ADGB: variants seen among roughly 807,000 people sequenced by gnomAD.
The protein encoded by ADGB is calpain-7-like protein.
ADGB carries 172 observed loss-of-function variants against 210.5 expected under a neutral mutation model. The observed-to-expected ratio is 0.82, with a 90% CI of 0.72 to 0.93. ADGB has a LOEUF of 0.93. ADGB is among the 40% of genes least tolerant of loss of function. The pLI is 0.00. For missense variants in ADGB, 2,025 were observed against 1,964.8 expected, an observed-to-expected ratio of 1.03 and a Z score of -0.58; for synonymous variants, 658 against 662.7, an observed-to-expected ratio of 0.99 and a Z score of 0.11.
chr6:146,729,124 G>A (rs966217342), intron 20 of ADGB, among the ~76,000 whole-genome samples: 4 of 152,120 alleles, frequency 2.6e-5, no homozygotes, highest in African/African-American at 4.8e-5. Flanking sequence ...CACTTACAAC[G>A]TGTGCCTCTG....
rs549161910 is a variant in ADGB at position 146,601,252 on chromosome 6, A to G, written c.74+2138A>G. ...TTTGAGATGGTAATAAATGTCTAAC[A>G]TGTTTTTTTTCTAGAAAATATCTGA... On this transcript the variant is annotated intron_variant, in intron 1 of 35. Coordinates refer to ENST00000397944, the MANE Select transcript of ADGB (RefSeq NM_024694.4). 1.8e-4 allele frequency among the ~76,000 whole-genome samples: 27 copies of G among 152,298 alleles called. No homozygotes were observed. The South Asian group carries it at 5.2e-3, about 29-fold the overall frequency.
In ADGB at chr6:146,717,553, A is replaced by C; in HGVS notation, c.1946A>C (p.His649Pro). 1 of 1,411,434 alleles carries C rather than the reference A, an allele frequency of 7.1e-7. No homozygotes were observed. The highest frequency in any genetic ancestry group is 9.7e-7 in the Non-Finnish European group (1 of 1,035,990). 87.4% of individuals were successfully genotyped at this position (1,411,434 alleles called of 1,614,324 possible). A position where few individuals can be genotyped will look rare whatever the true frequency, so the allele number is the denominator to read the frequency against. The change falls in exon 16 of 36, where the codon CAC (histidine) becomes CCC (proline). Residue 649 changes from histidine to proline, a missense_variant. Transcript: ENST00000397944. ...CVCFQNIYIF[H>P]KPSSYCLNFQ... ...TCTTTCAGAAATATATATATTTTCC[A>C]CAAGCCAAGTTCATATTGCCTTAAC...
At chr6:146,755,034 C>T (rs1360112770) in intron 27 of ADGB, among the ~76,000 whole-genome samples, 4 of 151,942 alleles carry the variant, frequency 2.6e-5, no homozygotes, top group South Asian at 2.1e-4. Flanking sequence ...TTTAGTTTTA[C>T]ATATGTATAT....
At chr6:146,753,739 C>T (rs1211676942) in intron 27 of ADGB, among the ~76,000 whole-genome samples, 2 of 151,804 alleles carry the variant, frequency 1.3e-5, no homozygotes, top group Non-Finnish European at 2.9e-5. Context: ...CTCTTGCATT[C>T]TTAGAATGAA....
At chr6:146,644,311 G>C (rs1376102802) in intron 2 of ADGB, among the ~76,000 whole-genome samples, 1 of 151,564 alleles carries the variant, frequency 6.6e-6, no homozygotes, top group East Asian at 1.9e-4. Context: ...ATGAAAATCA[G>C]GTCAAACATC....
chr6:146,654,806 GTA>G (rs1226461895), intron 4 of ADGB, among the ~76,000 whole-genome samples: 1 of 152,116 alleles, frequency 6.6e-6, no homozygotes, highest in Non-Finnish European at 1.5e-5. Context: ...TTGTGTGTGT[GTA>G]TATGTGTGTT....
intron 15 of ADGB, 138 bp from the exon 16 acceptor site, chr6:146,717,398 C>A: frequency 3.8e-6 from 2 of 520,812 alleles, no homozygotes; most frequent in Non-Finnish European, 6.8e-6. Context: ...TCATTCTTGT[C>A]CCTTTAGGGC....
At chr6:146,644,903 T>C (rs1401818925) in intron 3 of ADGB, 38 bp downstream of exon 3, 4 of 1,219,288 alleles carry the variant, frequency 3.3e-6, no homozygotes, top group African/African-American at 3.1e-5. Flanking sequence ...ATACTTACTA[T>C]GTGGATGTAT....
Position 146,717,597 on chromosome 6 carries a change from A to C in ADGB, c.1990A>C (p.Lys664Gln). Reference sequence around the variant, plus strand: ...CCTTAACTTTCAAAAATCAGAATTTAAGGTAAGTATGTTAGAATCTTTTCT... The same window carrying C: ...CCTTAACTTTCAAAAATCAGAATTTCAGGTAAGTATGTTAGAATCTTTTCT... ...YCLNFQKSEF[K>Q]FSEERVSYYL... Residue 664 changes from lysine (K) to glutamine (Q), a missense_variant and splice_region_variant, in exon 16 of 36, where the codon AAG becomes CAG. Coordinates refer to ENST00000397944, the MANE Select transcript of ADGB (RefSeq NM_024694.4). 1 of 1,402,796 alleles carries C rather than the reference A, an allele frequency of 7.1e-7. No individual in the cohort carries two copies. Among genetic ancestry groups the C allele is most frequent in the Non-Finnish European group, 9.7e-7 (1 of 1,029,830 alleles). The allele number at this position is 1,402,796 out of a possible 1,614,324, so 86.9% of individuals were successfully genotyped here. A position where few individuals can be genotyped will look rare whatever the true frequency, so the allele number is the denominator to read the frequency against.
chr6:146,691,445 AAT>A (rs1177982842), intron 11 of ADGB, among the ~76,000 whole-genome samples, 155 bp downstream of exon 11: 1 of 16,440 alleles, frequency 6.1e-5, no homozygotes, highest in African/African-American at 2.9e-4. Context: ...TATATATAAA[AAT>A]ATATATATAT....
intron 33 of ADGB, among the ~76,000 whole-genome samples, chr6:146,789,342 A>C (rs1158909788): frequency 1.3e-5 from 2 of 152,210 alleles, no homozygotes; most frequent in African/African-American, 2.4e-5. Flanking sequence ...TCTCACATCA[A>C]GCTACATCCT....
At chr6:146,788,367 T>C (rs774024786) in intron 32 of ADGB, 22 bp from the exon 33 acceptor site, 112 of 1,545,642 alleles carry the variant, frequency 7.2e-5, no homozygotes, top group Non-Finnish European at 8.8e-7. Context: ...GCTTTTTCAG[T>C]AATGCACATG....
At chr6:146,780,857 C>T (rs259406) in intron 29 of ADGB, among the ~76,000 whole-genome samples, 10,185 of 152,036 alleles carry the variant, frequency 0.067, 386 homozygotes, top group Middle Eastern at 0.1. Context: ...CCTAACATAC[C>T]TATAGAATAC....
At chr6:146,606,181 T>C (rs1780626713) in intron 1 of ADGB, among the ~76,000 whole-genome samples, 1 of 152,258 alleles carries the variant, frequency 6.6e-6, no homozygotes, top group Admixed American at 6.5e-5. Context: ...ATTAGTGATG[T>C]TAAATATTTT....
chr6:146,629,986 C>T (rs1359835800), intron 1 of ADGB, among the ~76,000 whole-genome samples: 1 of 152,120 alleles, frequency 6.6e-6, no homozygotes, highest in Non-Finnish European at 1.5e-5. Flanking sequence ...CCTATAATCC[C>T]AGCACTTTGG....
intron 15 of ADGB, 139 bp downstream of exon 15, chr6:146,717,208 C>A: frequency 1.5e-6 from 1 of 658,606 alleles, no homozygotes; most frequent in Non-Finnish European, 2.4e-6. Flanking sequence ...TTAGCATCAT[C>A]CAAAATAAGC....
intron 6 of ADGB, among the ~76,000 whole-genome samples, chr6:146,666,503 G>T (rs1392478487): frequency 5.9e-5 from 9 of 151,530 alleles, no homozygotes; most frequent in Admixed American, 5.3e-4. Flanking sequence ...ATACAAAAAT[G>T]GATTATATTC....
intron 3 of ADGB, among the ~76,000 whole-genome samples, chr6:146,652,952 G>A (rs572339988): frequency 4.6e-5 from 7 of 152,106 alleles, no homozygotes; most frequent in Admixed American, 2.0e-4. Context: ...GTTAGGAACC[G>A]GGCCACACAG....
Position 146,759,706 on chromosome 6 carries a change from A to G in ADGB, c.3551-4195A>G, listed in dbSNP as rs542821282. Among the ~76,000 whole-genome samples the G allele has an allele frequency of 8.7e-4, 132 of 151,882 alleles. 1 individual carries two copies. The highest frequency in any genetic ancestry group is 3.2e-3 in the African/African-American group (131 of 41,508). ...ACTAGGTCAATGAATGGGTGCATGCATTGTTATTTTCTTATACATTGTCCA... is the reference window on the plus strand; with the variant it reads ...ACTAGGTCAATGAATGGGTGCATGCGTTGTTATTTTCTTATACATTGTCCA... On this transcript the variant is annotated intron_variant, in intron 27 of 35. Coordinates refer to ENST00000397944, the MANE Select transcript of ADGB (RefSeq NM_024694.4).
Sources: allele counts gnomAD v4.1 joint callset (sites outside exome capture counted in the v4.1 genomes callset), GRCh38; gene constraint gnomAD v4.1.1; transcripts MANE v1.5; gene names NCBI Gene and HGNC (gene_info 2026-07-23, HGNC 2026-07-21).